PCDH15: variants seen among roughly 807,000 people sequenced by gnomAD.
PCDH15 encodes protocadherin related 15, also known as protocadherin-15.
PCDH15 carries 129 observed loss-of-function variants against 178.5 expected under a neutral mutation model. The observed-to-expected ratio is 0.72, with a 90% CI of 0.63 to 0.84. PCDH15 has a LOEUF of 0.84. Ranked by LOEUF, PCDH15 falls within the 40% of genes least tolerant of loss-of-function variation. PCDH15 has a pLI of 0.00. For synonymous variants in PCDH15, 800 were observed against 732.0 expected (o/e 1.09, Z -1.50); for missense variants, 2,230 against 2,099.9 (o/e 1.06, Z -1.21).
intron 2 of PCDH15, among the ~76,000 whole-genome samples, chr10:54,638,610 T>G (rs980482513): frequency 6.6e-6 from 1 of 152,160 alleles, no homozygotes; most frequent in South Asian, 2.1e-4. Flanking sequence ...GCCTATCTTT[T>G]ATTATTTAAT....
intron 3 of PCDH15, among the ~76,000 whole-genome samples, chr10:54,853,462 T>C (rs796286915): frequency 2.1e-4 from 11 of 51,664 alleles, no homozygotes; most frequent in Non-Finnish European, 3.4e-4. Flanking sequence ...TACACATACA[T>C]ATATATATAT....
chr10:55,404,938 T>G (rs1344168835), intron 2 of PCDH15, among the ~76,000 whole-genome samples: 3 of 151,920 alleles, frequency 2.0e-5, no homozygotes, highest in Non-Finnish European at 4.4e-5. Context: ...AGGTCATTTA[T>G]GAACTACAAG....
At chr10:53,888,359 C>CGTATATATACATAT (rs1564691650) in intron 26 of PCDH15, among the ~76,000 whole-genome samples, 1 of 107,148 alleles carries the variant, frequency 9.3e-6, no homozygotes, top group Admixed American at 1.0e-4. Context: ...CGTATATATA[C>CGTATATATACATAT]ATATATATAT....
intron 2 of PCDH15, among the ~76,000 whole-genome samples, chr10:54,552,751 G>T (rs76558891): frequency 1.3e-5 from 2 of 152,202 alleles, no homozygotes; most frequent in Non-Finnish European, 2.9e-5. Context: ...TGGGGTTGTG[G>T]GTTGAAGTCC....
At chr10:55,379,840 T>C (rs1262880717) in intron 2 of PCDH15, among the ~76,000 whole-genome samples, 1 of 152,082 alleles carries the variant, frequency 6.6e-6, no homozygotes, top group Non-Finnish European at 1.5e-5. Flanking sequence ...TTAGGAAACA[T>C]AGCTCTAATT....
At chr10:53,927,346 C>T (rs2084653845) in intron 25 of PCDH15, among the ~76,000 whole-genome samples, 1 of 152,078 alleles carries the variant, frequency 6.6e-6, no homozygotes, top group Non-Finnish European at 1.5e-5. Flanking sequence ...CACTAAATTC[C>T]ATTGTTTGCC....
chr10:55,349,515 TC>T (rs1225297980), intron 2 of PCDH15, among the ~76,000 whole-genome samples: 1 of 152,092 alleles, frequency 6.6e-6, no homozygotes, highest in Admixed American at 6.6e-5. Flanking sequence ...CATGGATACA[TC>T]AATAGATTTT....
At chr10:55,037,208 G>C (rs1444001041) in intron 2 of PCDH15, among the ~76,000 whole-genome samples, 1 of 152,020 alleles carries the variant, frequency 6.6e-6, no homozygotes, top group East Asian at 1.9e-4. Context: ...TTTTAAATAT[G>C]TGGGTCAATT....
At chr10:54,003,943 G>A (rs1395002266) in intron 20 of PCDH15, among the ~76,000 whole-genome samples, 3 of 151,860 alleles carry the variant, frequency 2.0e-5, no homozygotes, top group Non-Finnish European at 4.4e-5. Context: ...CATTAATCAT[G>A]ACCAAATAAG....
intron 14 of PCDH15, among the ~76,000 whole-genome samples, chr10:54,137,371 A>T (rs1042654256): frequency 6.6e-6 from 1 of 152,208 alleles, no homozygotes; most frequent in Non-Finnish European, 1.5e-5. Flanking sequence ...AGCACAAAAG[A>T]GGTAATATAT....
In PCDH15 at chr10:55,272,483, C is replaced by T. The variant is rs532906686; in HGVS notation, c.-156+47116G>A. On this transcript the variant is annotated intron_variant, in intron 1 of 5. Transcript: ENST00000458638. ...GCAGTGACGCGATCTCGGCTCACTG[C>T]AACCCCTGCCTCCTGGGTTCAAGCG... Among the ~76,000 whole-genome samples the T allele has an allele frequency of 2.6e-5, 4 of 151,924 alleles. No individual in the cohort carries two copies. In the South Asian group the frequency reaches 8.3e-4, roughly 32 times the overall value.
At chr10:54,505,794 A>G (rs12255106) in intron 3 of PCDH15, among the ~76,000 whole-genome samples, 2,956 of 152,250 alleles carry the variant, frequency 0.019, 103 homozygotes, top group African/African-American at 0.067. Flanking sequence ...TTAAAGTATA[A>G]TAATGAAAAA....
At chr10:55,501,449 T>C (rs949970253) in intron 2 of PCDH15, among the ~76,000 whole-genome samples, 11 of 151,778 alleles carry the variant, frequency 7.2e-5, no homozygotes, top group Non-Finnish European at 1.5e-4. Flanking sequence ...ATAGTGATTA[T>C]GTATTTGCTA....
intron 15 of PCDH15, among the ~76,000 whole-genome samples, chr10:54,101,629 T>C (rs769270853): frequency 2.6e-5 from 4 of 152,016 alleles, no homozygotes; most frequent in Admixed American, 6.6e-5. Flanking sequence ...ACACTGACCA[T>C]CTCCCAGTAA....
chr10:54,880,113 A>C (rs1421250877), intron 3 of PCDH15, among the ~76,000 whole-genome samples: 1 of 152,164 alleles, frequency 6.6e-6, no homozygotes, highest in Non-Finnish European at 1.5e-5. Flanking sequence ...AATACCTTGC[A>C]TACTACACCC....
At chr10:54,744,255 A>T (rs550514333) in intron 1 of PCDH15, among the ~76,000 whole-genome samples, 28 of 152,258 alleles carry the variant, frequency 1.8e-4, no homozygotes, top group African/African-American at 6.7e-4. Flanking sequence ...CCTTGGGATA[A>T]CTATAGCCCA....
chr10:55,521,088 AC>A (rs1841164512), intron 2 of PCDH15, among the ~76,000 whole-genome samples: 1 of 151,616 alleles, frequency 6.6e-6, no homozygotes, highest in Admixed American at 6.6e-5. Flanking sequence ...CCTCTGACTA[AC>A]CCCCAGCCCT....
At chr10:55,443,527 A>T (rs1839244556) in intron 2 of PCDH15, among the ~76,000 whole-genome samples, 1 of 152,200 alleles carries the variant, frequency 6.6e-6, no homozygotes, top group Non-Finnish European at 1.5e-5. Context: ...AAACCATATG[A>T]AATAAAAGCT....
intron 14 of PCDH15, among the ~76,000 whole-genome samples, chr10:54,140,964 G>T (rs957348876): frequency 1.3e-5 from 2 of 152,082 alleles, no homozygotes; most frequent in African/African-American, 4.8e-5. Flanking sequence ...TTACAGGCAT[G>T]AGCCACCATG....
Sources: allele counts gnomAD v4.1 joint callset (sites outside exome capture counted in the v4.1 genomes callset), GRCh38; gene constraint gnomAD v4.1.1; transcripts MANE v1.5; gene names NCBI Gene and HGNC (gene_info 2026-07-23, HGNC 2026-07-21).